Variants in TFEB observed in about 807,000 individuals in gnomAD.
TFEB encodes the protein transcription factor EB, also known as T-cell transcription factor EB.
TFEB carries 12 observed loss-of-function variants against 48.0 expected under a neutral mutation model. That is an observed-to-expected ratio of 0.25 (90% CI 0.16 to 0.40). The LOEUF is 0.40. TFEB is among the 10% of genes least tolerant of loss of function. The pLI, the probability that TFEB is intolerant of heterozygous loss-of-function variation, is 1.00. For synonymous variants in TFEB, 244 were observed against 261.4 expected, an observed-to-expected ratio of 0.93 and a Z score of 0.64; for missense variants, 509 against 640.3, an observed-to-expected ratio of 0.79 and a Z score of 2.21.
At chr6:41,702,933 C>A (rs937274302) in intron 1 of TFEB, among the ~76,000 whole-genome samples, 1 of 152,230 alleles carries the variant, frequency 6.6e-6, no homozygotes, top group Non-Finnish European at 1.5e-5. Flanking sequence ...AGGCTCCCTG[C>A]CGCCTGCCTG....
upstream of TFEB, among the ~76,000 whole-genome samples, chr6:41,735,816 T>C (rs1381962805): frequency 6.6e-6 from 1 of 152,252 alleles, no homozygotes; most frequent in Non-Finnish European, 1.5e-5. Context: ...GCAAGTTTTC[T>C]TTCTCCTCTC....
chr6:41,689,908 C>G, intron 3 of TFEB, 97 bp from the exon 4 acceptor site: 1 of 846,310 alleles, frequency 1.2e-6, no homozygotes, highest in Non-Finnish European at 1.9e-6. Context: ...GACCTTGGAG[C>G]CCACCTCACC....
chr6:41,717,484 T>C (rs1770788010), intron 1 of TFEB, among the ~76,000 whole-genome samples: 1 of 152,194 alleles, frequency 6.6e-6, no homozygotes, highest in Non-Finnish European at 1.5e-5. Context: ...GACAAGATGA[T>C]GAGTTTCATT....
At position 41,691,948 on chromosome 6, in the gene TFEB, A is replaced by G. The variant is rs73735933; in HGVS notation, c.-22-713T>C. Among the ~76,000 whole-genome samples the G allele has an allele frequency of 1.1e-3, 164 of 152,090 alleles. No individual in the cohort carries two copies. Among genetic ancestry groups the G allele is most frequent in the African/African-American group, 3.8e-3 (159 of 41,470 alleles). ...AACATCCCAGGCATGCCCCCACCTC[A>G]GGACCTTTGCACTTGCTGTTCCCTC... On this transcript the variant is annotated intron_variant, in intron 1 of 8. Coordinates refer to ENST00000373033, the MANE Select transcript of TFEB (RefSeq NM_001271944.2). This position sits in a 1 kb window ranked among gnomAD's most constrained non-coding sequence, Gnocchi z 5.2.
At chr6:41,719,960 G>A (rs568296488) in intron 1 of TFEB, among the ~76,000 whole-genome samples, 99 of 152,268 alleles carry the variant, frequency 6.5e-4, no homozygotes, top group African/African-American at 1.8e-3. Context: ...ACCTGCATTC[G>A]GTTGTTGTAT....
At chr6:41,732,445 A>G (rs1242365712) in intron 1 of TFEB, among the ~76,000 whole-genome samples, 2 of 152,212 alleles carry the variant, frequency 1.3e-5, no homozygotes, top group Non-Finnish European at 2.9e-5. Flanking sequence ...TGTATAATCA[A>G]TCTTATTATA....
At chr6:41,718,157 G>A (rs1185314903) in intron 1 of TFEB, among the ~76,000 whole-genome samples, 2 of 151,924 alleles carry the variant, frequency 1.3e-5, no homozygotes. Flanking sequence ...GTCATTTTGG[G>A]TGGTAAGAAC....
At chr6:41,719,957 T>A (rs181359027) in intron 1 of TFEB, among the ~76,000 whole-genome samples, 4 of 152,244 alleles carry the variant, frequency 2.6e-5, no homozygotes, top group South Asian at 2.1e-4. Flanking sequence ...AAGACCTGCA[T>A]TCGGTTGTTG....
At position 41,707,975 on chromosome 6, in the gene TFEB, G is replaced by A. The variant is rs191199348; in HGVS notation, c.-22-16740C>T. ...AGGATGCTAGAGTTGGGAGGGAAGT[G>A]GAAGACGGCTCTAGGCTCTGTGGCG... On this transcript the variant is annotated intron_variant, in intron 1 of 8. Transcript: ENST00000373033. 3.2e-3 allele frequency among the ~76,000 whole-genome samples: 491 copies of A among 152,350 alleles called. 7 individuals carry two copies. Among genetic ancestry groups the A allele is most frequent in the Non-Finnish European group, 2.5e-3 (171 of 68,030 alleles).
At position 41,691,140 on chromosome 6, in the gene TFEB, A is replaced by G. The variant is rs755546119; in HGVS notation, c.74T>C (p.Met25Thr). Residue 25 changes from methionine to threonine, a missense_variant, in exon 2 of 9, where the codon ATG (methionine) becomes ACG (threonine). Met to Thr is a moderately conservative substitution (Grantham distance 81). Transcript: ENST00000373033. The surrounding 1 kb of genome is among the most constrained non-coding windows in gnomAD (Gnocchi z 5.2). ...QAQQEEQRERMQQQAVMHYMQ... is the reference protein window; with the variant it reads ...QAQQEEQRERTQQQAVMHYMQ... ...GTAATGCATGACAGCCTGTTGCTGC[A>G]TGCGCTCCCGCTGCTCCTCCTGCTG... The G allele has an allele frequency of 3.1e-6, 5 of 1,589,538 alleles. No homozygotes were observed. In the South Asian group the frequency reaches 5.7e-5, roughly 18 times the overall value.
At chr6:41,735,069 C>G in intron 1 of TFEB, 1 of 985,252 alleles carries the variant, frequency 1.0e-6, no homozygotes, top group Non-Finnish European at 1.2e-6. Context: ...CCCCTCCCGC[C>G]CGGTTACATA....
At chr6:41,728,682 A>AGGGGGGGTTG (rs1323370788) in intron 1 of TFEB, among the ~76,000 whole-genome samples, 1 of 143,222 alleles carries the variant, frequency 7.0e-6, no homozygotes, top group African/African-American at 2.5e-5. Context: ...GAACTCGGGG[A>AGGGGGGGTTG]GGGGGGGTTG....
rs2127268863 is a variant in TFEB at position 41,724,088 on chromosome 6, A to G, written c.-23+11262T>C. 6.6e-6 allele frequency among the ~76,000 whole-genome samples: 1 copy of G among 152,278 alleles called. No homozygotes were observed. Among genetic ancestry groups the G allele is most frequent in the Middle Eastern group, 3.4e-3 (1 of 294 alleles). Reference sequence around the variant, plus strand: ...CCACCTTGAAATGGAGCCTGAGATCAAGCAGAGCCCTGGGCAGCTCCGGGA... The same window carrying G: ...CCACCTTGAAATGGAGCCTGAGATCGAGCAGAGCCCTGGGCAGCTCCGGGA... On this transcript the variant is annotated intron_variant, in intron 1 of 8. Transcript: ENST00000373033. This position sits in a 1 kb window ranked among gnomAD's most constrained non-coding sequence, Gnocchi z 4.4.
At chr6:41,731,882 G>T (rs1771465389) in intron 1 of TFEB, among the ~76,000 whole-genome samples, 1 of 152,194 alleles carries the variant, frequency 6.6e-6, no homozygotes, top group Non-Finnish European at 1.5e-5. Flanking sequence ...AGCCCAGGAA[G>T]TCTTGCCTGA....
Position 41,734,953 on chromosome 6 carries a change from G to A in TFEB, c.-23+397C>T. 6.1e-6 allele frequency: 6 copies of A among 985,450 alleles called. No homozygotes were observed. Among genetic ancestry groups the A allele is most frequent in the Non-Finnish European group, 3.6e-6 (3 of 830,000 alleles). The allele number at this position is 985,450 out of a possible 1,614,324, so 61.0% of individuals were successfully genotyped here. On this transcript the variant is annotated intron_variant, in intron 1 of 8. Transcript: ENST00000373033. This position sits in a 1 kb window ranked among gnomAD's most constrained non-coding sequence, Gnocchi z 4.0. The stretch of plus-strand genomic sequence containing the variant: ...CCCAGCCGTGTCCGGTGGAGGGGGA[G>A]TGGGCGCGGGGCCCGCGCGTCCCTC...
intron 1 of TFEB, among the ~76,000 whole-genome samples, chr6:41,728,721 G>A (rs867771175): frequency 6.6e-6 from 1 of 152,066 alleles, no homozygotes; most frequent in Non-Finnish European, 1.5e-5. Flanking sequence ...TCTCTGTGGG[G>A]AGGAACAGAC....
chr6:41,689,743 C>G lies in TFEB; in HGVS notation c.537G>C (p.Gln179His), dbSNP rs1232083162. 2 of 1,614,008 alleles carry G rather than the reference C, an allele frequency of 1.2e-6. No homozygotes were observed. The highest frequency in any genetic ancestry group is 3.3e-5 in the Admixed American group (2 of 60,018). ...TAGCCAGGAGTACCGTGTTGGGCAT[C>G]TGCATTTCAGGATTGATGTAGCCAA... ...DVLGYINPEMQMPNTLPLSSS... is the reference protein window; with the variant it reads ...DVLGYINPEMHMPNTLPLSSS... Residue 179 changes from glutamine to histidine, a missense_variant, in exon 4 of 9, where the codon CAG becomes CAC. Physicochemically the swap from Gln to His is conservative, Grantham distance 24 (BLOSUM62 0). Around this residue, in one of 4 missense-constraint regions of TFEB, gnomAD observed 251 missense variants for 317.2 expected, o/e 0.79. Transcript: ENST00000373033.
chr6:41,691,628 A>G lies in TFEB; in HGVS notation c.-22-393T>C, dbSNP rs1052323416. On this transcript the variant is annotated intron_variant, in intron 1 of 8. Transcript: ENST00000373033. This position sits in a 1 kb window ranked among gnomAD's most constrained non-coding sequence, Gnocchi z 5.2. The stretch of plus-strand genomic sequence containing the variant: ...TGGGTCTTACCTGGAATCCCGCAGG[A>G]GTAGCCCAGTGTTCAGACTGCCTCC... Among the ~76,000 whole-genome samples, 1 of 152,104 alleles carries G rather than the reference A, an allele frequency of 6.6e-6. No homozygotes were observed. Among genetic ancestry groups the G allele is most frequent in the Non-Finnish European group, 1.5e-5 (1 of 68,004 alleles).
At chr6:41,731,253 C>T (rs1474762276) in intron 1 of TFEB, among the ~76,000 whole-genome samples, 2 of 151,934 alleles carry the variant, frequency 1.3e-5, no homozygotes, top group Non-Finnish European at 2.9e-5. Flanking sequence ...CTTGCCGAGG[C>T]TCACACAGTG....
Sources: allele counts gnomAD v4.1 joint callset (sites outside exome capture counted in the v4.1 genomes callset), GRCh38; gene constraint gnomAD v4.1.1; regional missense constraint gnomAD v4.1.1; non-coding constraint Gnocchi (gnomAD v3.1); transcripts MANE v1.5; gene names NCBI Gene and HGNC (gene_info 2026-07-23, HGNC 2026-07-21).